The following FMN2 variants were observed in gnomAD, a reference collection of about 807,000 sequenced individuals.
FMN2 encodes formin 2.
A neutral mutation model predicts 142.3 loss-of-function variants in FMN2; 51 were observed. The observed-to-expected ratio is 0.36, with a 90% CI of 0.29 to 0.45. The LOEUF is 0.45. Ranked by LOEUF, FMN2 falls within the 20% of genes least tolerant of loss-of-function variation. FMN2 has a pLI of 1.00. For missense variants in FMN2, 1,936 were observed against 2,122.8 expected (o/e 0.91, Z 1.73); for synonymous variants, 882 against 869.8 (o/e 1.01, Z -0.25).
At chr1:240,138,506 C>T (rs1021195661) in intron 2 of FMN2, among the ~76,000 whole-genome samples, 17 of 151,780 alleles carry the variant, frequency 1.1e-4, no homozygotes, top group Non-Finnish European at 2.9e-5. Context: ...TCAAGACCAG[C>T]CTGGCCAAAT....
intron 7 of FMN2, among the ~76,000 whole-genome samples, chr1:240,293,424 T>A (rs928642823): frequency 1.3e-5 from 2 of 152,168 alleles, no homozygotes; most frequent in South Asian, 2.1e-4. Context: ...TGTAAGATAT[T>A]CTTGAAGAGC....
chr1:240,240,718 T>A (rs1296126255), intron 6 of FMN2, among the ~76,000 whole-genome samples: 1 of 152,190 alleles, frequency 6.6e-6, no homozygotes, highest in Non-Finnish European at 1.5e-5. Context: ...AAACATAATA[T>A]GAAAATTATA....
chr1:240,234,306 C>A (rs1667625528), intron 6 of FMN2, among the ~76,000 whole-genome samples: 1 of 152,084 alleles, frequency 6.6e-6, no homozygotes, highest in Non-Finnish European at 1.5e-5. Flanking sequence ...CCGATGACCC[C>A]TGAAAAGAGG....
At chr1:240,400,360 A>G (rs1673935255) in intron 15 of FMN2, among the ~76,000 whole-genome samples, 2 of 152,298 alleles carry the variant, frequency 1.3e-5, no homozygotes, top group South Asian at 2.1e-4. Flanking sequence ...TGGCAGAACA[A>G]TAAGATATGT....
intron 2 of FMN2, among the ~76,000 whole-genome samples, chr1:240,158,089 C>T (rs189206094): frequency 6.6e-6 from 1 of 151,854 alleles, no homozygotes; most frequent in Non-Finnish European, 1.5e-5. Flanking sequence ...ATTCTAAGAG[C>T]ATCCCCTAAT....
At position 240,231,337 on chromosome 1, in the gene FMN2, G is replaced by A. The variant is rs1401467100; in HGVS notation, c.4065+20102G>A. Reference sequence around the variant, plus strand: ...TATTTCGCTATGTTTCTACCAATGTGAACAAAGCTTGACTGTATTAAAAAA... The same window carrying A: ...TATTTCGCTATGTTTCTACCAATGTAAACAAAGCTTGACTGTATTAAAAAA... On this transcript the variant is annotated intron_variant, in intron 6 of 17. Coordinates refer to ENST00000319653, the MANE Select transcript of FMN2 (RefSeq NM_020066.5). Among the ~76,000 whole-genome samples, 2 of 131,910 alleles carry A rather than the reference G, an allele frequency of 1.5e-5. 1 individual carries two copies. The highest frequency in any genetic ancestry group is 3.2e-5 in the Non-Finnish European group (2 of 63,004). The allele number at this position is 131,910 out of a possible 152,430, so 86.5% of individuals were successfully genotyped here. A position where few individuals can be genotyped will look rare whatever the true frequency, so the allele number is the denominator to read the frequency against.
At chr1:240,242,097 G>A (rs191768237) in intron 6 of FMN2, among the ~76,000 whole-genome samples, 5 of 152,000 alleles carry the variant, frequency 3.3e-5, no homozygotes, top group African/African-American at 9.6e-5. Context: ...CGCCTGCCTC[G>A]GCCTCCCAAA....
chr1:240,245,166 A>G (rs1558390385), intron 6 of FMN2: 1 of 239,550 alleles, frequency 4.2e-6, no homozygotes, highest in Non-Finnish European at 8.3e-6. Context: ...GTGGAATGAG[A>G]CTTGAACATT....
rs538273679 is a variant in FMN2, at chr1:240,351,586, G to A, written c.4766-4230G>A. 3.9e-5 allele frequency among the ~76,000 whole-genome samples: 6 copies of A among 152,266 alleles called. No homozygotes were observed. In the South Asian group the frequency reaches 6.2e-4, roughly 16 times the overall value. On this transcript the variant is annotated intron_variant, in intron 13 of 17. Coordinates refer to ENST00000319653, the MANE Select transcript of FMN2 (RefSeq NM_020066.5). The stretch of plus-strand genomic sequence containing the variant: ...TTCATATGAATGGCCCAAGGACATC[G>A]ATAAAATTAAGTGAAAATTAATTTA...
intron 4 of FMN2, among the ~76,000 whole-genome samples, chr1:240,202,869 G>A (rs1335720394): frequency 6.6e-6 from 1 of 152,004 alleles, no homozygotes; most frequent in Non-Finnish European, 1.5e-5. Context: ...GCTGGCATAG[G>A]CAATAACATT....
chr1:240,329,251 C>A, intron 9 of FMN2, 84 bp downstream of exon 9: 1 of 1,595,324 alleles, frequency 6.3e-7, no homozygotes, highest in Non-Finnish European at 8.6e-7. Context: ...GCGGTGTCTT[C>A]AGTGCATACT....
At chr1:240,308,598 C>A in intron 8 of FMN2, among the ~76,000 whole-genome samples, 1 of 152,094 alleles carries the variant, frequency 6.6e-6, no homozygotes. Flanking sequence ...CTTGGACACC[C>A]CTGTAAGAAG....
At position 240,092,970 on chromosome 1, in the gene FMN2, C is replaced by G. The variant is rs1330745634; in HGVS notation, c.861C>G (p.Pro287=). The change falls in exon 1 of 18, where the codon CCC becomes CCG. Residue 287 remains proline (P), a synonymous_variant. Transcript: ENST00000319653. ...TGCCCGAGAGCCTGGCCGCCGAGCC[C>G]CGGGAGCCCCAGCAACCGCCGTCCC... is the stretch of plus-strand genomic sequence containing the variant. The part of the protein sequence containing the change: ...SDLPESLAAE[P]REPQQPPSPG... The G allele has an allele frequency of 5.0e-6, 7 of 1,410,108 alleles. No individual in the cohort carries two copies. In the East Asian group the frequency reaches 2.0e-4, roughly 41 times the overall value. 87.3% of individuals were successfully genotyped at this position (1,410,108 alleles called of 1,614,324 possible).
At chr1:240,304,023 G>T (rs1438062659) in intron 8 of FMN2, among the ~76,000 whole-genome samples, 1 of 151,674 alleles carries the variant, frequency 6.6e-6, no homozygotes, top group African/African-American at 2.4e-5. Flanking sequence ...CCTTCTTTTT[G>T]ATTTATTTTC....
chr1:240,327,821 A>G (rs1457540285), intron 8 of FMN2, among the ~76,000 whole-genome samples: 3 of 152,138 alleles, frequency 2.0e-5, no homozygotes, highest in African/African-American at 7.2e-5. Flanking sequence ...ACACTTAAGA[A>G]GAAAATAAGC....
intron 16 of FMN2, among the ~76,000 whole-genome samples, chr1:240,456,066 C>T (rs1027637550): frequency 2.0e-5 from 3 of 151,966 alleles, no homozygotes; most frequent in African/African-American, 7.3e-5. Flanking sequence ...TTCTTAATCA[C>T]TAGTAGTCAT....
chr1:240,256,364 A>C (rs1317346210), intron 6 of FMN2, among the ~76,000 whole-genome samples: 1 of 152,206 alleles, frequency 6.6e-6, no homozygotes, highest in Non-Finnish European at 1.5e-5. Context: ...ATTTAGAATC[A>C]AAATGTATAT....
chr1:240,403,879 T>G (rs977903637), intron 15 of FMN2, among the ~76,000 whole-genome samples: 1 of 152,140 alleles, frequency 6.6e-6, no homozygotes, highest in Non-Finnish European at 1.5e-5. Flanking sequence ...CCTCTCCTAC[T>G]TAAATAATAG....
intron 8 of FMN2, among the ~76,000 whole-genome samples, chr1:240,296,660 C>T (rs1434840499): frequency 8.2e-5 from 12 of 146,212 alleles, no homozygotes; most frequent in African/African-American, 3.0e-4. Context: ...TGCTCATCCA[C>T]TCTTGAGTTT....
Sources: allele counts gnomAD v4.1 joint callset (sites outside exome capture counted in the v4.1 genomes callset), GRCh38; gene constraint gnomAD v4.1.1; transcripts MANE v1.5; gene names NCBI Gene and HGNC (gene_info 2026-07-23, HGNC 2026-07-21).